Variants in LRRN2 observed in about 807,000 individuals in gnomAD.
LRRN2 encodes the protein leucine-rich repeat neuronal protein 2.
LRRN2 carries 10 observed loss-of-function variants against 35.7 expected under a neutral mutation model. The observed-to-expected ratio is 0.28, with a 90% CI of 0.17 to 0.47. LRRN2 has a LOEUF of 0.47. LRRN2 is among the 20% of genes least tolerant of loss of function. LRRN2 has a pLI of 0.99. For synonymous variants in LRRN2, 391 were observed against 409.6 expected, an observed-to-expected ratio of 0.95 and a Z score of 0.55; for missense variants, 731 against 940.3, an observed-to-expected ratio of 0.78 and a Z score of 2.91.
chr1:204,639,782 ACT>A (rs1385801155), intron 1 of LRRN2, among the ~76,000 whole-genome samples: 1 of 151,954 alleles, frequency 6.6e-6, no homozygotes, highest in Non-Finnish European at 1.5e-5. Context: ...TCCTCATAAA[ACT>A]CTATTATATT....
At chr1:204,659,022 G>A (rs988593347) in intron 1 of LRRN2, among the ~76,000 whole-genome samples, 3 of 152,202 alleles carry the variant, frequency 2.0e-5, no homozygotes, top group Non-Finnish European at 4.4e-5. Context: ...AGTCTGACAT[G>A]AAATAGTATG....
intron 1 of LRRN2, among the ~76,000 whole-genome samples, chr1:204,671,425 G>GTA (rs1222142231): frequency 1.3e-5 from 2 of 150,756 alleles, no homozygotes; most frequent in African/African-American, 4.9e-5. Flanking sequence ...GTGTGTGTGT[G>GTA]TGTGTGTGTG....
chr1:204,641,160 ATT>A (rs1325469627), intron 1 of LRRN2, among the ~76,000 whole-genome samples: 1 of 152,214 alleles, frequency 6.6e-6, no homozygotes, highest in Non-Finnish European at 1.5e-5. Flanking sequence ...CACAAAAAAT[ATT>A]TCTGCAAGGA....
intron 1 of LRRN2, among the ~76,000 whole-genome samples, chr1:204,684,550 G>C (rs1205579282): frequency 6.6e-6 from 1 of 152,130 alleles, no homozygotes; most frequent in Non-Finnish European, 1.5e-5. Context: ...CTCGCCGGCT[G>C]GGCAGCCAGA....
chr1:204,676,261 T>C (rs899845489), intron 1 of LRRN2, among the ~76,000 whole-genome samples: 4 of 152,166 alleles, frequency 2.6e-5, no homozygotes, highest in African/African-American at 9.7e-5. Flanking sequence ...TTCCACACTT[T>C]GACCTTCAAC....
chr1:204,650,845 T>G (rs903378574), intron 1 of LRRN2, among the ~76,000 whole-genome samples: 1 of 152,014 alleles, frequency 6.6e-6, no homozygotes, highest in Non-Finnish European at 1.5e-5. Context: ...AATGTGTAAG[T>G]AGACATCAGA....
At chr1:204,661,812 G>T (rs1322668306) in intron 1 of LRRN2, among the ~76,000 whole-genome samples, 3 of 152,148 alleles carry the variant, frequency 2.0e-5, no homozygotes, top group Non-Finnish European at 4.4e-5. Context: ...GAAACGAGGG[G>T]CTGCTCTCTG....
chr1:204,681,661 T>C (rs1558425851), intron 1 of LRRN2, among the ~76,000 whole-genome samples: 1 of 152,144 alleles, frequency 6.6e-6, no homozygotes, highest in Non-Finnish European at 1.5e-5. Context: ...AGGCACACAG[T>C]AGGTACTTAG....
chr1:204,632,352 C>T (rs61817488), intron 1 of LRRN2, among the ~76,000 whole-genome samples: 4,102 of 151,546 alleles, frequency 0.027, 88 homozygotes, highest in Non-Finnish European at 0.041. Context: ...CCATATTGGC[C>T]GGGTGTGGTG....
intron 1 of LRRN2, among the ~76,000 whole-genome samples, chr1:204,667,088 C>T (rs369414739): frequency 6.6e-6 from 1 of 151,398 alleles, no homozygotes; most frequent in Admixed American, 6.6e-5. Flanking sequence ...TGACAGAGTG[C>T]GAGATGGGGT....
At chr1:204,684,650 C>G (rs1669026902) in intron 1 of LRRN2, among the ~76,000 whole-genome samples, 1 of 152,126 alleles carries the variant, frequency 6.6e-6, no homozygotes, top group Admixed American at 6.5e-5. Flanking sequence ...GGGCTCAGAG[C>G]CACCCTTCCG....
At chr1:204,634,418 T>C (rs1032212661) in intron 1 of LRRN2, among the ~76,000 whole-genome samples, 3 of 152,166 alleles carry the variant, frequency 2.0e-5, no homozygotes, top group Admixed American at 1.3e-4. Flanking sequence ...CAAAAAGATA[T>C]AGTGAAGTCC....
intron 1 of LRRN2, among the ~76,000 whole-genome samples, chr1:204,652,533 A>G (rs1370765488): frequency 6.6e-6 from 1 of 152,072 alleles, no homozygotes; most frequent in Non-Finnish European, 1.5e-5. Context: ...CAATTAGAGT[A>G]ATAATGCCTA....
chr1:204,618,461 C>G lies in LRRN2; in HGVS notation c.1532G>C (p.Ser511Thr). 1 of 1,614,216 alleles carries G rather than the reference C, an allele frequency of 6.2e-7. No homozygotes were observed. Among genetic ancestry groups the G allele is most frequent in the Non-Finnish European group, 8.5e-7 (1 of 1,180,020 alleles). ...NLVGADTKTV[S>T]VVVGRALLQP... ...GAGGAGAGCACGGCCCACAACCACACTAACCGTCTTAGTGTCAGCCCCCAC... is the reference window on the plus strand; with the variant it reads ...GAGGAGAGCACGGCCCACAACCACAGTAACCGTCTTAGTGTCAGCCCCCAC... Residue 511 changes from serine to threonine, a missense_variant, in exon 2 of 2, where the codon AGT (serine) becomes ACT (threonine). Transcript: ENST00000367177.
chr1:204,637,137 G>T (rs1014814301), intron 1 of LRRN2, among the ~76,000 whole-genome samples: 1 of 152,186 alleles, frequency 6.6e-6, no homozygotes, highest in Non-Finnish European at 1.5e-5. Context: ...TGTGCGGTAT[G>T]TTGGAATTTT....
At chr1:204,652,843 A>C (rs754380769) in intron 1 of LRRN2, among the ~76,000 whole-genome samples, 1 of 152,210 alleles carries the variant, frequency 6.6e-6, no homozygotes, top group Non-Finnish European at 1.5e-5. Flanking sequence ...GAAAAGAGCT[A>C]GCCCAGGGCA....
chr1:204,651,688 G>C (rs1668228240), intron 1 of LRRN2, among the ~76,000 whole-genome samples: 1 of 152,200 alleles, frequency 6.6e-6, no homozygotes. Context: ...TGGGGAATGA[G>C]AGCTTTCAGG....
At chr1:204,655,655 A>C (rs896751347) in intron 1 of LRRN2, among the ~76,000 whole-genome samples, 5 of 149,794 alleles carry the variant, frequency 3.3e-5, no homozygotes, top group African/African-American at 4.9e-5. Context: ...CTCTACATTC[A>C]TTCAAGCACC....
At chr1:204,663,038 A>G (rs1423379725) in intron 1 of LRRN2, among the ~76,000 whole-genome samples, 1 of 152,156 alleles carries the variant, frequency 6.6e-6, no homozygotes, top group Non-Finnish European at 1.5e-5. Context: ...CAAATAGTTC[A>G]TTTCCAGGGG....
Sources: allele counts gnomAD v4.1 joint callset (sites outside exome capture counted in the v4.1 genomes callset), GRCh38; gene constraint gnomAD v4.1.1; transcripts MANE v1.5; gene names NCBI Gene and HGNC (gene_info 2026-07-23, HGNC 2026-07-21).